The following NARS1 variants were observed in gnomAD, a reference collection of about 807,000 sequenced individuals.
The protein encoded by NARS1 is asparaginyl-tRNA synthetase 1.
In NARS1, 65 loss-of-function variants were observed where a neutral mutation model predicts 79.2. The observed-to-expected ratio is 0.82, with a 90% confidence interval of 0.67 to 1.01. The LOEUF is 1.01. Among genes scored for constraint, NARS1 ranks in the 50% least tolerant of loss-of-function variants. The pLI, the probability that NARS1 is intolerant of heterozygous loss-of-function variation, is 0.00. For missense variants in NARS1, 649 were observed against 673.8 expected, an observed-to-expected ratio of 0.96 and a Z score of 0.41; for synonymous variants, 229 against 238.8, an observed-to-expected ratio of 0.96 and a Z score of 0.38.
At position 57,615,859 on chromosome 18, in the gene NARS1, C is replaced by T; in HGVS notation, c.210G>A (p.Trp70Ter). 1 of 1,613,534 alleles carries T rather than the reference C, an allele frequency of 6.2e-7. No homozygotes were observed. Among genetic ancestry groups the T allele is most frequent in the South Asian group, 1.1e-5 (1 of 90,900 alleles). The part of the protein sequence containing the change: ...KSQLKNIKKM[W>*]HREQMKSESR... ...ATTCACTCTTCATTTGTTCCCTATG[C>T]CACATCTTTTTAATGTTCTTCAACT... The change falls in exon 3 of 14, where the codon TGG (tryptophan) becomes TGA (stop). Residue 70 changes from tryptophan to a stop codon, truncating the protein, a stop_gained. Transcript: ENST00000256854. LOFTEE classifies it high-confidence loss of function.
chr18:57,617,365 G>A (rs1173981160), intron 2 of NARS1, among the ~76,000 whole-genome samples: 1 of 151,710 alleles, frequency 6.6e-6, no homozygotes, highest in Non-Finnish European at 1.5e-5. Context: ...GAGGTCAGGA[G>A]ATCGAGACCA....
At position 57,620,635 on chromosome 18, in the gene NARS1, A is replaced by G. The variant is rs766393525; in HGVS notation, c.27T>C (p.Ser9=). 6.8e-6 allele frequency: 11 copies of G among 1,613,180 alleles called. No homozygotes were observed. The highest frequency in any genetic ancestry group is 3.3e-5 in the Admixed American group (2 of 59,868). MVLAELYV[S]DREGSDATGD... is the part of the protein sequence containing the mutation. ...CCGTGGCATCGCTTCCCTCTCGGTC[A>G]GAGACGTACAGCTCTGCTGTTTGAC... The change falls in exon 2 of 14, where the codon TCT becomes TCC. Residue 9 remains serine, a synonymous_variant. Transcript: ENST00000256854.
At chr18:57,608,223 G>A (rs1168354649) in intron 7 of NARS1, among the ~76,000 whole-genome samples, 1 of 151,838 alleles carries the variant, frequency 6.6e-6, no homozygotes, top group African/African-American at 2.4e-5. Flanking sequence ...CACTGAGGCG[G>A]GTGGATAACG....
At chr18:57,617,227 T>G (rs1444901747) in intron 2 of NARS1, among the ~76,000 whole-genome samples, 1 of 152,174 alleles carries the variant, frequency 6.6e-6, no homozygotes, top group Non-Finnish European at 1.5e-5. Flanking sequence ...TTGCAAGATC[T>G]GCAGCCTGCA....
chr18:57,606,620 T>A lies in NARS1; in HGVS notation c.1133A>T (p.Asn378Ile). The stretch of plus-strand genomic sequence containing the variant: ...TTCCATAAACACTGCACCTACCGGG[T>A]TGAGCTCATGCACTATGCTCCCTGC... ...SPAGSIVHEL[N>I]PNFQPPKRPF... Residue 378 changes from asparagine (N) to isoleucine (I), a missense_variant, in exon 10 of 14, where the codon AAC (asparagine) becomes ATC (isoleucine). Physicochemically the swap from Asn to Ile is moderately radical, Grantham distance 149. Transcript: ENST00000256854. The A allele has an allele frequency of 6.2e-7, 1 of 1,613,398 alleles. No individual in the cohort carries two copies. The highest frequency in any genetic ancestry group is 8.5e-7 in the Non-Finnish European group (1 of 1,179,602).
At chr18:57,617,822 G>A (rs1490879177) in intron 2 of NARS1, among the ~76,000 whole-genome samples, 3 of 149,036 alleles carry the variant, frequency 2.0e-5, no homozygotes, top group Non-Finnish European at 4.4e-5. Context: ...GGCTGAGGCA[G>A]AAGAATCTCT....
chr18:57,606,999 G>A, intron 9 of NARS1, 135 bp downstream of exon 9: 1 of 1,056,620 alleles, frequency 9.5e-7, no homozygotes, highest in Non-Finnish European at 1.4e-6. Flanking sequence ...GCAAAACTTT[G>A]TTATATGTTC....
chr18:57,615,786 C>G, intron 3 of NARS1, 31 bp downstream of exon 3: 1 of 1,610,846 alleles, frequency 6.2e-7, no homozygotes, highest in African/African-American at 1.3e-5. Flanking sequence ...CTAACTTTAA[C>G]AACGTTCACG....
chr18:57,602,568 A>G, intron 12 of NARS1, 82 bp from the exon 13 acceptor site: 1 of 1,487,966 alleles, frequency 6.7e-7, no homozygotes, highest in Non-Finnish European at 9.2e-7. Flanking sequence ...AATGAAAATT[A>G]CAATTAAGCT....
rs1425824266 is a variant in NARS1 at position 57,609,375 on chromosome 18, A to G, written c.561T>C (p.Leu187=). 5.6e-6 allele frequency: 9 copies of G among 1,613,862 alleles called. No individual in the cohort carries two copies. Among genetic ancestry groups the G allele is most frequent in the Non-Finnish European group, 6.8e-6 (8 of 1,179,842 alleles). ...SSVAVYGMLN[L]TPKGKQAPGG... ...CACTCACCTGCTTGCCCTTTGGGGT[A>G]AGATTTAGCATTCCATACACTGCAA... is the stretch of plus-strand genomic sequence containing the variant. Residue 187 remains leucine, a synonymous_variant, in exon 7 of 14, where the codon CTT becomes CTC. Coordinates refer to ENST00000256854, the MANE Select transcript of NARS1 (RefSeq NM_004539.4).
chr18:57,605,848 G>A lies in NARS1; in HGVS notation c.1251+9C>T. ...CACCTTGGAAACAATGAGAGAAAGG[G>A]ATACATACTTCTCCAAATTCATAGA... is the stretch of plus-strand genomic sequence containing the variant. On this transcript the variant is annotated intron_variant, in intron 11 of 13. Transcript: ENST00000256854. 6.4e-7 allele frequency: 1 copy of A among 1,552,952 alleles called. No individual in the cohort carries two copies. The highest frequency in any genetic ancestry group is 8.9e-7 in the Non-Finnish European group (1 of 1,129,888).
chr18:57,605,773 A>G, intron 11 of NARS1, 84 bp downstream of exon 11: 6 of 887,670 alleles, frequency 6.8e-6, no homozygotes, highest in Non-Finnish European at 8.8e-6. Context: ...GGCAGATGCC[A>G]CCCATGTTAC....
At position 57,601,531 on chromosome 18, in the gene NARS1, A is replaced by T; in HGVS notation, c.*121T>A. 1 of 1,017,216 alleles carries T rather than the reference A, an allele frequency of 9.8e-7. No homozygotes were observed. Among genetic ancestry groups the T allele is most frequent in the Non-Finnish European group, 1.4e-6 (1 of 729,686 alleles). The allele number at this position is 1,017,216 out of a possible 1,614,324, so 63.0% of individuals were successfully genotyped here. A position where few individuals can be genotyped will look rare whatever the true frequency, so the allele number is the denominator to read the frequency against. ...TTTGAGATAGTTTTTATGGTAGTAG[A>T]AAGAAAAACAGAAAGAGAAACCCCA... On this transcript the variant is annotated 3_prime_UTR_variant, in exon 14 of 14. Coordinates refer to ENST00000256854, the MANE Select transcript of NARS1 (RefSeq NM_004539.4).
At chr18:57,616,520 T>A (rs183496344) in intron 2 of NARS1, among the ~76,000 whole-genome samples, 4 of 151,804 alleles carry the variant, frequency 2.6e-5, no homozygotes, top group Non-Finnish European at 5.9e-5. Flanking sequence ...ACGATACAGT[T>A]CCCCAGGAAA....
intron 7 of NARS1, among the ~76,000 whole-genome samples, chr18:57,608,036 T>C (rs1178979105): frequency 6.6e-6 from 1 of 151,894 alleles, no homozygotes; most frequent in Non-Finnish European, 1.5e-5. Context: ...TCTGGCTAAT[T>C]TTTGTATATT....
rs1339285401 is a variant in NARS1 at position 57,601,444 on chromosome 18, A to G, written c.*208T>C. 1.8e-4 allele frequency: 78 copies of G among 442,162 alleles called. No individual in the cohort carries two copies. In the East Asian group the frequency reaches 2.9e-3, roughly 16 times the overall value. 27.4% of individuals were successfully genotyped at this position (442,162 alleles called of 1,614,324 possible). A position where few individuals can be genotyped will look rare whatever the true frequency, so the allele number is the denominator to read the frequency against. On this transcript the variant is annotated 3_prime_UTR_variant, in exon 14 of 14. Transcript: ENST00000256854. ...TCCCCGAACTTTGTTTCCCGAACTTAAGAAAAAAATGGATATTTTTTCTTA... is the reference window on the plus strand; with the variant it reads ...TCCCCGAACTTTGTTTCCCGAACTTGAGAAAAAAATGGATATTTTTTCTTA...
chr18:57,619,090 C>T (rs558108468), intron 2 of NARS1, among the ~76,000 whole-genome samples: 1 of 152,128 alleles, frequency 6.6e-6, no homozygotes, highest in Admixed American at 6.5e-5. Context: ...CAAGGCACTG[C>T]TTTTCCTAAT....
intron 2 of NARS1, 82 bp from the exon 3 acceptor site, chr18:57,616,057 A>G: frequency 7.9e-7 from 1 of 1,271,678 alleles, no homozygotes; most frequent in Middle Eastern, 1.9e-4. Context: ...GTATAAGGCA[A>G]CTGGAACAAT....
Position 57,601,396 on chromosome 18 carries a change from C to A in NARS1, c.*256G>T. 1 of 325,020 alleles carries A rather than the reference C, an allele frequency of 3.1e-6. No homozygotes were observed. The highest frequency in any genetic ancestry group is 5.7e-6 in the Non-Finnish European group (1 of 174,086). 20.1% of individuals were successfully genotyped at this position (325,020 alleles called of 1,614,324 possible). A position where few individuals can be genotyped will look rare whatever the true frequency, so the allele number is the denominator to read the frequency against. On this transcript the variant is annotated 3_prime_UTR_variant, in exon 14 of 14. Coordinates refer to ENST00000256854, the MANE Select transcript of NARS1 (RefSeq NM_004539.4). ...GTAAAATGCTGAAATGTATCCCTAA[C>A]TACAGTTTCATGCCAGGTATTTTCC...
Sources: gnomAD v4.1 joint callset for allele counts (sites outside exome capture counted in the v4.1 genomes callset) on GRCh38, gnomAD v4.1.1 for gene constraint, MANE v1.5 for transcripts, NCBI Gene and HGNC (gene_info 2026-07-23, HGNC 2026-07-21) for gene names.